Variants in LARS2 observed in about 807,000 individuals in gnomAD.
LARS2 encodes leucine--tRNA ligase, mitochondrial.
In LARS2, 81 loss-of-function variants were observed where a neutral mutation model predicts 116.6. The ratio of observed to expected loss-of-function variants is 0.69; its 90% CI spans 0.58 to 0.84. The LOEUF (loss-of-function observed/expected upper bound fraction) is 0.84. Ranked by LOEUF, LARS2 falls within the 40% of genes least tolerant of loss-of-function variation. The pLI is 0.00. For missense variants in LARS2, 968 were observed against 1,114.5 expected, an observed-to-expected ratio of 0.87 and a Z score of 1.87; for synonymous variants, 396 against 407.2, an observed-to-expected ratio of 0.97 and a Z score of 0.33.
intron 18 of LARS2, among the ~76,000 whole-genome samples, chr3:45,518,979 G>T (rs187493516): frequency 1.3e-5 from 2 of 152,298 alleles, no homozygotes; most frequent in East Asian, 3.9e-4. Flanking sequence ...TGATGCCTGA[G>T]CGATTGAGTT....
chr3:45,392,273 C>T (rs1217071401), intron 2 of LARS2, among the ~76,000 whole-genome samples: 3 of 151,964 alleles, frequency 2.0e-5, no homozygotes, highest in South Asian at 4.2e-4. Flanking sequence ...AATAGCCAAG[C>T]CCAACTAATA....
In LARS2 at chr3:45,394,650, G is replaced by A. The variant is rs149789249; in HGVS notation, c.197G>A (p.Arg66Gln). 5.0e-6 allele frequency: 8 copies of A among 1,614,068 alleles called. No homozygotes were observed. The highest frequency in any genetic ancestry group is 1.6e-4 in the Middle Eastern group (1 of 6,062). ...GATGTTGAGAAATGGTGGCATCAAC[G>A]AATAAAAGAACAGGCCTCCAAAATT... ...RKDVEKWWHQ[R>Q]IKEQASKISE... Residue 66 changes from arginine to glutamine, a missense_variant, in exon 3 of 22, where the codon CGA becomes CAA. By Grantham distance (43) the Arg-to-Gln change is conservative. Coordinates refer to ENST00000645846, the MANE Select transcript of LARS2 (RefSeq NM_015340.4).
chr3:45,403,612 G>C (rs991302437), intron 4 of LARS2, among the ~76,000 whole-genome samples: 1 of 152,220 alleles, frequency 6.6e-6, no homozygotes, highest in Non-Finnish European at 1.5e-5. Context: ...ATGATAGGGT[G>C]CAGGGAAGCC....
intron 4 of LARS2, among the ~76,000 whole-genome samples, chr3:45,406,796 A>G (rs1473022910): frequency 2.0e-5 from 3 of 152,218 alleles, no homozygotes; most frequent in Admixed American, 2.0e-4. Flanking sequence ...GAGATAAATT[A>G]TTCTCTTTCA....
intron 2 of LARS2, among the ~76,000 whole-genome samples, chr3:45,394,169 C>G (rs549098498): frequency 1.3e-5 from 2 of 152,340 alleles, no homozygotes; most frequent in African/African-American, 4.8e-5. Context: ...TGAGGTTGCG[C>G]AGGAGCTGGC....
chr3:45,525,519 CT>C (rs1292748209), intron 20 of LARS2, among the ~76,000 whole-genome samples: 1 of 152,160 alleles, frequency 6.6e-6, no homozygotes, highest in African/African-American at 2.4e-5. Flanking sequence ...CTGAAGTTTC[CT>C]TTGGTTCATT....
At chr3:45,407,029 C>T (rs921723078) in intron 4 of LARS2, among the ~76,000 whole-genome samples, 1 of 152,158 alleles carries the variant, frequency 6.6e-6, no homozygotes, top group Admixed American at 6.5e-5. Flanking sequence ...TGCCAAGTCC[C>T]CCTCACAGAG....
At chr3:45,455,185 TAGG>T (rs762398698) in intron 7 of LARS2, among the ~76,000 whole-genome samples, 9 of 151,862 alleles carry the variant, frequency 5.9e-5, no homozygotes, top group Non-Finnish European at 1.3e-4. Flanking sequence ...GCAAACCTCT[TAGG>T]AGCACACCTT....
At position 45,411,035 on chromosome 3, in the gene LARS2, A is replaced by G. The variant is rs1464470230; in HGVS notation, c.364-6447A>G. Among the ~76,000 whole-genome samples the G allele has an allele frequency of 2.0e-5, 3 of 152,234 alleles. No homozygotes were observed. In the East Asian group the frequency reaches 5.8e-4, roughly 29 times the overall value. ...TTTCTTAAAACTGCATAGAATAGATATACTCAGGGAATGTTAGAATTTTTA... is the reference window on the plus strand; with the variant it reads ...TTTCTTAAAACTGCATAGAATAGATGTACTCAGGGAATGTTAGAATTTTTA... On this transcript the variant is annotated intron_variant, in intron 4 of 21. Transcript: ENST00000645846.
chr3:45,400,380 A>G lies in LARS2; in HGVS notation c.363+7A>G. 1 of 1,596,924 alleles carries G rather than the reference A, an allele frequency of 6.3e-7. No homozygotes were observed. The highest frequency in any genetic ancestry group is 8.5e-7 in the Non-Finnish European group (1 of 1,171,696). ...GAAGATGAGAGGGATGCAGGTAAGA[A>G]CAGGTGCCTGCTGGAGCAGCCCTTG... is the stretch of plus-strand genomic sequence containing the variant. On this transcript the variant is annotated splice_region_variant and intron_variant, in intron 4 of 21. Transcript: ENST00000645846.
In LARS2 at chr3:45,394,601, G is replaced by A. The variant is rs200135115; in HGVS notation, c.148G>A (p.Glu50Lys). The part of the protein sequence containing the change: ...IYSATGKWTK[E>K]YTLQTRKDVE... ...CAGTGCCACGGGAAAGTGGACAAAA[G>A]AGTATACATTGCAGACAAGAAAGGA... Residue 50 changes from glutamate (E) to lysine (K), a missense_variant, in exon 3 of 22, where the codon GAG becomes AAG. By Grantham distance (56) the Glu-to-Lys change is moderately conservative. Transcript: ENST00000645846. 1.9e-5 allele frequency: 31 copies of A among 1,614,190 alleles called. No homozygotes were observed. The East Asian group carries it at 6.9e-4, about 36-fold the overall frequency.
At chr3:45,481,466 C>G (rs920612216) in intron 10 of LARS2, among the ~76,000 whole-genome samples, 3 of 152,216 alleles carry the variant, frequency 2.0e-5, no homozygotes, top group African/African-American at 7.2e-5. Context: ...TTCCCACCAG[C>G]AGTGTATGAG....
At chr3:45,521,300 G>T (rs972295966) in intron 19 of LARS2, among the ~76,000 whole-genome samples, 1 of 151,866 alleles carries the variant, frequency 6.6e-6, no homozygotes, top group Non-Finnish European at 1.5e-5. Context: ...GCAAGACTCC[G>T]CCTCAAAAAC....
At chr3:45,395,933 A>G (rs1698036355) in intron 3 of LARS2, among the ~76,000 whole-genome samples, 1 of 152,256 alleles carries the variant, frequency 6.6e-6, no homozygotes, top group Non-Finnish European at 1.5e-5. Flanking sequence ...TAGGAAGTGA[A>G]AAGCCCTTGT....
intron 14 of LARS2, among the ~76,000 whole-genome samples, chr3:45,499,877 A>G (rs532294037): frequency 2.0e-4 from 30 of 152,326 alleles, no homozygotes; most frequent in African/African-American, 6.5e-4. Flanking sequence ...TTGTTGAAAT[A>G]TGTCAGTAAT....
At chr3:45,487,695 G>A (rs1429302124) in intron 11 of LARS2, among the ~76,000 whole-genome samples, 1 of 151,900 alleles carries the variant, frequency 6.6e-6, no homozygotes, top group Non-Finnish European at 1.5e-5. Flanking sequence ...GCAAAAGACA[G>A]CCCCCGCAAC....
At position 45,423,429 on chromosome 3, in the gene LARS2, C is replaced by T. The variant is rs561812472; in HGVS notation, c.516+3700C>T. ...CCAGGTTCAAGCGATTCTTGTGCCT[C>T]GGCCTCCTCAGTAGCTGGGATTACA... On this transcript the variant is annotated intron_variant, in intron 6 of 21. Coordinates refer to ENST00000645846, the MANE Select transcript of LARS2 (RefSeq NM_015340.4). Among the ~76,000 whole-genome samples the T allele has an allele frequency of 6.6e-5, 10 of 152,266 alleles. No homozygotes were observed. The East Asian group carries it at 1.4e-3, about 21-fold the overall frequency.
chr3:45,462,419 CAA>C (rs5848744), intron 8 of LARS2, among the ~76,000 whole-genome samples: 14,081 of 148,024 alleles, frequency 0.095, 916 homozygotes, highest in Middle Eastern at 0.19. Context: ...CAATTTCTAC[CAA>C]AAAAAAAAAA....
intron 15 of LARS2, 41 bp from the exon 16 acceptor site, chr3:45,513,094 T>A (rs1700312937): frequency 1.5e-6 from 2 of 1,325,650 alleles, no homozygotes; most frequent in Non-Finnish European, 1.1e-6. Context: ...ATGCCTCATG[T>A]CCCACTCCTC....
Sources: allele counts gnomAD v4.1 joint callset (sites outside exome capture counted in the v4.1 genomes callset), GRCh38; gene constraint gnomAD v4.1.1; transcripts MANE v1.5; gene names NCBI Gene and HGNC (gene_info 2026-07-23, HGNC 2026-07-21).